The following ARHGEF10L variants were observed in gnomAD, a reference collection of about 807,000 sequenced individuals.
The protein encoded by ARHGEF10L is rho guanine nucleotide exchange factor 10-like protein.
A neutral mutation model predicts 141.2 loss-of-function variants in ARHGEF10L; 69 were observed. The observed-to-expected ratio is 0.49, with a 90% confidence interval of 0.40 to 0.60. The LOEUF is 0.60. Ranked by LOEUF, ARHGEF10L falls within the 20% of genes least tolerant of loss-of-function variation. The probability of loss-of-function intolerance (pLI) is 0.00; values close to 1 mark genes in which losing one functional copy is unlikely to be tolerated. For synonymous variants in ARHGEF10L, 711 were observed against 718.5 expected (o/e 0.99, Z 0.17); for missense variants, 1,482 against 1,734.3 (o/e 0.85, Z 2.58).
chr1:17,581,479 G>A (rs563746366), intron 2 of ARHGEF10L, among the ~76,000 whole-genome samples: 136 of 152,350 alleles, frequency 8.9e-4, no homozygotes, highest in African/African-American at 3.1e-3. Context: ...CCGCCTGGGA[G>A]GAAATGGGCC....
At chr1:17,590,828 A>G (rs1489644764) in intron 4 of ARHGEF10L, among the ~76,000 whole-genome samples, 4 of 152,184 alleles carry the variant, frequency 2.6e-5, no homozygotes, top group African/African-American at 9.7e-5. Flanking sequence ...CTCTACAGAA[A>G]ATACAAAAAT....
the ARHGEF10L span, among the ~76,000 whole-genome samples, chr1:17,532,459 G>GGA: frequency 2.6e-5 from 4 of 152,210 alleles, no homozygotes; most frequent in African/African-American, 9.6e-5. Flanking sequence ...ATACCCCTGA[G>GGA]GAGTAGGTGG....
intron 1 of ARHGEF10L, among the ~76,000 whole-genome samples, chr1:17,579,807 G>T (rs974966460): frequency 5.3e-5 from 8 of 152,208 alleles, no homozygotes; most frequent in African/African-American, 1.7e-4. Context: ...TGACAGTAGG[G>T]AGCGGGGGCA....
At chr1:17,655,422 ATCTG>A (rs1334255099) in intron 23 of ARHGEF10L, among the ~76,000 whole-genome samples, 2 of 150,906 alleles carry the variant, frequency 1.3e-5, no homozygotes, top group African/African-American at 2.4e-5. Context: ...CCTTCCATCT[ATCTG>A]TCTATCATCT....
chr1:17,633,158 G>A (rs1293005675), intron 16 of ARHGEF10L, among the ~76,000 whole-genome samples: 2 of 152,194 alleles, frequency 1.3e-5, no homozygotes, highest in East Asian at 3.9e-4. Context: ...GGCCACGTGG[G>A]CCTGGCACTG....
intron 25 of ARHGEF10L, among the ~76,000 whole-genome samples, chr1:17,659,763 A>G (rs1415651858): frequency 6.6e-6 from 1 of 152,248 alleles, no homozygotes; most frequent in Non-Finnish European, 1.5e-5. Flanking sequence ...CAAGACTGGC[A>G]TTCCTGCTAA....
chr1:17,660,368 A>G (rs1268998973), intron 25 of ARHGEF10L, among the ~76,000 whole-genome samples: 2 of 152,036 alleles, frequency 1.3e-5, no homozygotes, highest in Non-Finnish European at 2.9e-5. Flanking sequence ...TGCCCCTCTA[A>G]TCCTCAGTTT....
the ARHGEF10L span, among the ~76,000 whole-genome samples, chr1:17,522,954 T>A: frequency 3.3e-5 from 5 of 152,168 alleles, no homozygotes; most frequent in Non-Finnish European, 7.4e-5. Flanking sequence ...ACTAGTCATG[T>A]TCCTGGTGGC....
chr1:17,596,371 G>A (rs1175692346), intron 4 of ARHGEF10L, among the ~76,000 whole-genome samples: 1 of 152,236 alleles, frequency 6.6e-6, no homozygotes, highest in Non-Finnish European at 1.5e-5. Context: ...GAGGCGGGCG[G>A]TGACACTGTG....
intron 1 of ARHGEF10L, among the ~76,000 whole-genome samples, chr1:17,574,183 C>A (rs1395102727): frequency 2.6e-5 from 4 of 152,042 alleles, no homozygotes; most frequent in Non-Finnish European, 5.9e-5. Flanking sequence ...GGGTCCTGCC[C>A]TCTTGCTCCC....
intron 26 of ARHGEF10L, among the ~76,000 whole-genome samples, chr1:17,669,577 C>T (rs997978269): frequency 6.6e-6 from 1 of 152,180 alleles, no homozygotes. Context: ...CTGTGCTTAA[C>T]CCACCCACCT....
chr1:17,697,412 G>T lies in ARHGEF10L; in HGVS notation c.*32G>T. 1.9e-6 allele frequency: 3 copies of T among 1,556,312 alleles called. No homozygotes were observed. The highest frequency in any genetic ancestry group is 2.6e-6 in the Non-Finnish European group (3 of 1,149,172). On this transcript the variant is annotated 3_prime_UTR_variant, in exon 29 of 29. Transcript: ENST00000361221. The surrounding 1 kb of genome is among the most constrained non-coding windows in gnomAD (Gnocchi z 4.8). ...CCCTCTCCCCTCAGAGGGCACAGCTGCAGGCCTGACCAAGGCCACGCCCGG... is the reference window on the plus strand; with the variant it reads ...CCCTCTCCCCTCAGAGGGCACAGCTTCAGGCCTGACCAAGGCCACGCCCGG...
At chr1:17,617,823 ACGTTATTCTTGGTGGGCGGTCAGTC>A (rs1460440112) in intron 9 of ARHGEF10L, among the ~76,000 whole-genome samples, 1 of 150,730 alleles carries the variant, frequency 6.6e-6, no homozygotes, top group Non-Finnish European at 1.5e-5. Flanking sequence ...CATGTAGCAG[ACGTTATTCTTGGTGGGCGGTCAGTC>A]CCTAAGTGGA....
chr1:17,636,888 C>T (rs940737021), intron 18 of ARHGEF10L, among the ~76,000 whole-genome samples: 4 of 152,090 alleles, frequency 2.6e-5, no homozygotes, highest in African/African-American at 9.7e-5. Context: ...AATTCCTAGC[C>T]CAGGGGCCTA....
the ARHGEF10L span, among the ~76,000 whole-genome samples, chr1:17,514,499 C>T: frequency 3.3e-5 from 5 of 152,094 alleles, no homozygotes; most frequent in Admixed American, 1.3e-4. Context: ...TGGCATGGAT[C>T]GCATGGTATC....
Position 17,627,323 on chromosome 1 carries a change from C to T in ARHGEF10L, c.1411-7C>T, listed in dbSNP as rs1482311979. On this transcript the variant is annotated splice_region_variant and splice_polypyrimidine_tract_variant and intron_variant, in intron 14 of 28. Coordinates refer to ENST00000361221, the MANE Select transcript of ARHGEF10L (RefSeq NM_018125.4). The surrounding 1 kb of genome is among the most constrained non-coding windows in gnomAD (Gnocchi z 4.0). The stretch of plus-strand genomic sequence containing the variant: ...TGGGCTGCTCAGTCTCTGCTCTGAC[C>T]TGGCAGGACATGCTGAAGAACACCC... 6.2e-7 allele frequency: 1 copy of T among 1,612,912 alleles called. No homozygotes were observed. Among genetic ancestry groups the T allele is most frequent in the East Asian group, 2.2e-5 (1 of 44,854 alleles).
the ARHGEF10L span, among the ~76,000 whole-genome samples, chr1:17,526,389 T>A: frequency 6.6e-6 from 1 of 152,312 alleles, no homozygotes; most frequent in African/African-American, 2.4e-5. Flanking sequence ...TTCCACCTTA[T>A]TAGTGGAAAA....
At chr1:17,648,447 A>C (rs1200193104) in intron 21 of ARHGEF10L, 107 bp from the exon 22 acceptor site, 5 of 1,425,560 alleles carry the variant, frequency 3.5e-6, no homozygotes, top group Non-Finnish European at 4.8e-6. Context: ...GGATGGGGCC[A>C]GGCTTCTGGG....
intron 26 of ARHGEF10L, among the ~76,000 whole-genome samples, chr1:17,672,273 T>A (rs548734875): frequency 1.4e-5 from 2 of 146,818 alleles, no homozygotes; most frequent in East Asian, 4.1e-4. Flanking sequence ...CTGTTGTAAA[T>A]CTATCATACG....
Sources: allele counts gnomAD v4.1 joint callset (sites outside exome capture counted in the v4.1 genomes callset), GRCh38; gene constraint gnomAD v4.1.1; non-coding constraint Gnocchi (gnomAD v3.1); transcripts MANE v1.5; gene names NCBI Gene and HGNC (gene_info 2026-07-23, HGNC 2026-07-21).